SKAP2: variants seen among roughly 807,000 people sequenced by gnomAD.
The protein encoded by SKAP2 is src kinase-associated phosphoprotein 2.
Under a neutral mutation model 54.9 loss-of-function variants are expected in SKAP2, and 28 were observed. That is an observed-to-expected ratio of 0.51 (90% CI 0.38 to 0.70). SKAP2 has a LOEUF of 0.70. Among genes scored for constraint, SKAP2 ranks in the 30% least tolerant of loss-of-function variants. SKAP2 has a pLI of 0.00. For synonymous variants in SKAP2, 137 were observed against 134.3 expected (o/e 1.02, Z -0.14); for missense variants, 356 against 424.1 (o/e 0.84, Z 1.41).
intron 4 of SKAP2, among the ~76,000 whole-genome samples, chr7:26,782,686 G>C (rs772964673): frequency 6.6e-6 from 1 of 151,992 alleles, no homozygotes; most frequent in Non-Finnish European, 1.5e-5. Flanking sequence ...CTGAGGCTGT[G>C]TCTCTAAAAC....
At chr7:26,800,920 A>G (rs138242929) in intron 4 of SKAP2, among the ~76,000 whole-genome samples, 29 of 152,320 alleles carry the variant, frequency 1.9e-4, no homozygotes, top group Non-Finnish European at 3.2e-4. Flanking sequence ...CCAAACATTT[A>G]AAGAACTAAC....
At chr7:26,713,269 A>G (rs1490523742) in intron 9 of SKAP2, among the ~76,000 whole-genome samples, 1 of 152,166 alleles carries the variant, frequency 6.6e-6, no homozygotes, top group South Asian at 2.1e-4. Context: ...AATACACATC[A>G]TTTACTCCCT....
intron 9 of SKAP2, among the ~76,000 whole-genome samples, chr7:26,708,979 T>G (rs1251490339): frequency 2.0e-5 from 3 of 152,220 alleles, no homozygotes; most frequent in Non-Finnish European, 4.4e-5. Flanking sequence ...TTCAGTTGAT[T>G]TATTAGAATA....
chr7:26,712,268 T>C (rs1019337869), intron 9 of SKAP2, among the ~76,000 whole-genome samples: 1 of 152,170 alleles, frequency 6.6e-6, no homozygotes, highest in Non-Finnish European at 1.5e-5. Context: ...AAGTTTCAGA[T>C]TTTGGAACAT....
At chr7:26,825,290 CCT>C (rs1784465961) in intron 4 of SKAP2, among the ~76,000 whole-genome samples, 1 of 152,088 alleles carries the variant, frequency 6.6e-6, no homozygotes, top group Non-Finnish European at 1.5e-5. Context: ...CCTTTGATTT[CCT>C]CTTTTTTTTA....
intron 6 of SKAP2, among the ~76,000 whole-genome samples, chr7:26,738,074 G>C (rs143875570): frequency 6.6e-6 from 1 of 152,108 alleles, no homozygotes; most frequent in Non-Finnish European, 1.5e-5. Context: ...CTACACCTGT[G>C]AACAGTCACA....
At chr7:26,687,626 T>C (rs1410165526) in intron 10 of SKAP2, among the ~76,000 whole-genome samples, 1 of 152,074 alleles carries the variant, frequency 6.6e-6, no homozygotes, top group Non-Finnish European at 1.5e-5. Flanking sequence ...GACACAAAAA[T>C]CAGGAAGAGT....
At chr7:26,675,110 A>C (rs1786323857) in intron 11 of SKAP2, among the ~76,000 whole-genome samples, 1 of 152,126 alleles carries the variant, frequency 6.6e-6, no homozygotes, top group Non-Finnish European at 1.5e-5. Context: ...GGATTACTGC[A>C]TTATCAATGG....
chr7:26,688,391 A>G (rs1324289793), intron 10 of SKAP2, among the ~76,000 whole-genome samples: 1 of 152,186 alleles, frequency 6.6e-6, no homozygotes, highest in Non-Finnish European at 1.5e-5. Flanking sequence ...TTTACATTAG[A>G]AAAGTCTGTG....
intron 4 of SKAP2, among the ~76,000 whole-genome samples, chr7:26,800,569 G>GT (rs1489976591): frequency 6.6e-6 from 1 of 152,192 alleles, no homozygotes; most frequent in South Asian, 2.1e-4. Flanking sequence ...CAAAAAGTTG[G>GT]TTTTTTGAAA....
At chr7:26,733,759 T>C (rs1445213057) in intron 6 of SKAP2, among the ~76,000 whole-genome samples, 1 of 152,200 alleles carries the variant, frequency 6.6e-6, no homozygotes, top group Non-Finnish European at 1.5e-5. Context: ...TTTTATTATA[T>C]ATTGAAAAGA....
intron 3 of SKAP2, among the ~76,000 whole-genome samples, chr7:26,849,776 G>C (rs1373150438): frequency 6.7e-6 from 1 of 150,214 alleles, no homozygotes; most frequent in Non-Finnish European, 1.5e-5. Flanking sequence ...TAATAAATAT[G>C]CCCTTCTTTT....
chr7:26,734,916 C>T (rs1045452857), intron 6 of SKAP2, among the ~76,000 whole-genome samples: 1 of 152,186 alleles, frequency 6.6e-6, no homozygotes, highest in Non-Finnish European at 1.5e-5. Context: ...CACACCATAG[C>T]ATTCAACCAA....
At chr7:26,725,696 C>A in intron 8 of SKAP2, 131 bp from the exon 9 acceptor site, 2 of 1,005,652 alleles carry the variant, frequency 2.0e-6, no homozygotes, top group South Asian at 1.8e-5. Context: ...TAACTAAAAA[C>A]ATGTTTAAAA....
At chr7:26,852,995 G>C (rs1174873428) in intron 3 of SKAP2, among the ~76,000 whole-genome samples, 1 of 151,818 alleles carries the variant, frequency 6.6e-6, no homozygotes. Context: ...ATTTCTTGTA[G>C]AGCACAAAAA....
At chr7:26,733,053 C>T (rs1265449838) in intron 6 of SKAP2, among the ~76,000 whole-genome samples, 2 of 151,932 alleles carry the variant, frequency 1.3e-5, no homozygotes, top group South Asian at 4.2e-4. Context: ...ATCGCTTGAA[C>T]CCGGGAGGCG....
At chr7:26,832,936 C>G (rs946150513) in intron 4 of SKAP2, among the ~76,000 whole-genome samples, 1 of 152,182 alleles carries the variant, frequency 6.6e-6, no homozygotes, top group African/African-American at 2.4e-5. Context: ...TCCTCAAAAG[C>G]AGCTGGCAGT....
chr7:26,839,964 G>C (rs539197277), intron 4 of SKAP2, among the ~76,000 whole-genome samples: 20 of 151,808 alleles, frequency 1.3e-4, no homozygotes, highest in Middle Eastern at 3.4e-3. Context: ...TTGTACATTG[G>C]ATTTTTGTAA....
intron 10 of SKAP2, among the ~76,000 whole-genome samples, chr7:26,688,468 C>A (rs1786698927): frequency 6.6e-6 from 1 of 152,102 alleles, no homozygotes; most frequent in South Asian, 2.1e-4. Context: ...GTTAGAAGTT[C>A]ATGTCATGTG....
Sources: gnomAD v4.1 joint callset for allele counts (sites outside exome capture counted in the v4.1 genomes callset) on GRCh38, gnomAD v4.1.1 for gene constraint, MANE v1.5 for transcripts, NCBI Gene and HGNC (gene_info 2026-07-23, HGNC 2026-07-21) for gene names.